TRERF1: variants seen among roughly 807,000 people sequenced by gnomAD.
The protein encoded by TRERF1 is transcriptional-regulating factor 1.
A neutral mutation model predicts 122.9 loss-of-function variants in TRERF1; 27 were observed. The ratio of observed to expected loss-of-function variants is 0.22; its 90% confidence interval spans 0.16 to 0.30. The LOEUF (loss-of-function observed/expected upper bound fraction) is 0.30, where lower values mean the gene tolerates loss of function less well. TRERF1 is among the 10% of genes least tolerant of loss of function. The pLI, the probability that TRERF1 is intolerant of heterozygous loss-of-function variation, is 1.00. For missense variants in TRERF1, 1,248 were observed against 1,560.3 expected, an observed-to-expected ratio of 0.80 and a Z score of 3.37; for synonymous variants, 636 against 641.7, an observed-to-expected ratio of 0.99 and a Z score of 0.13.
At chr6:42,392,573 T>C (rs767317295) in intron 2 of TRERF1, among the ~76,000 whole-genome samples, 2 of 152,120 alleles carry the variant, frequency 1.3e-5, no homozygotes, top group African/African-American at 2.4e-5. Flanking sequence ...GAAAGGATCA[T>C]TAAGAGAGGC....
At chr6:42,348,441 C>T (rs1003184644) in intron 3 of TRERF1, among the ~76,000 whole-genome samples, 4 of 151,980 alleles carry the variant, frequency 2.6e-5, no homozygotes, top group African/African-American at 9.7e-5. Context: ...TTAGTCGAGA[C>T]GGAGTTTCAC....
rs376647781 is a variant in TRERF1 at position 42,333,766 on chromosome 6, G to A, written c.-371+29231C>T. On this transcript the variant is annotated intron_variant, in intron 3 of 17. Transcript: ENST00000372922. Reference sequence around the variant, plus strand: ...CCTCCGAGGGCCACATGGGCCCCTCGAGTGCTTACTTAACTTGAAGAGGAA... The same window carrying A: ...CCTCCGAGGGCCACATGGGCCCCTCAAGTGCTTACTTAACTTGAAGAGGAA... Among the ~76,000 whole-genome samples, 11 of 152,294 alleles carry A rather than the reference G, an allele frequency of 7.2e-5. No individual in the cohort carries two copies. In the East Asian group the frequency reaches 7.7e-4, roughly 11 times the overall value.
chr6:42,435,903 C>G (rs1273873674), intron 2 of TRERF1, among the ~76,000 whole-genome samples: 1 of 151,856 alleles, frequency 6.6e-6, no homozygotes, highest in Non-Finnish European at 1.5e-5. Context: ...TCATTTGAAC[C>G]CAGGAGGCGG....
At position 42,447,192 on chromosome 6, in the gene TRERF1, G is replaced by GA. The variant is rs543026109; in HGVS notation, c.-454+3984dup. On this transcript the variant is annotated intron_variant, in intron 2 of 17. Coordinates refer to ENST00000372922, the Ensembl canonical transcript of TRERF1. ...ATGCCAGCTCATCGTCTTCCATGAT[G>GA]AAAGACCAAGAATCATCTGTTTCTT... Among the ~76,000 whole-genome samples the GA allele has an allele frequency of 5.1e-3, 780 of 152,326 alleles. 9 individuals are homozygous for GA. The highest frequency in any genetic ancestry group is 0.017 in the African/African-American group (727 of 41,564).
intron 4 of TRERF1, among the ~76,000 whole-genome samples, chr6:42,281,049 C>T (rs1782216753): frequency 2.0e-5 from 3 of 152,224 alleles, no homozygotes; most frequent in East Asian, 1.9e-4. Context: ...TGAGAGGCCT[C>T]AGGGGATAAA....
At chr6:42,376,361 C>A (rs1188506643) in intron 2 of TRERF1, among the ~76,000 whole-genome samples, 1 of 152,046 alleles carries the variant, frequency 6.6e-6, no homozygotes, top group Non-Finnish European at 1.5e-5. Context: ...TCCTGGAAAA[C>A]AGGCTTTGCG....
chr6:42,313,184 G>A (rs186439131), intron 3 of TRERF1, among the ~76,000 whole-genome samples: 4 of 152,278 alleles, frequency 2.6e-5, no homozygotes, highest in African/African-American at 9.6e-5. Flanking sequence ...AGATCGCCTG[G>A]GGTTCGGCAT....
At chr6:42,334,547 C>A (rs1765806674) in intron 3 of TRERF1, among the ~76,000 whole-genome samples, 1 of 152,206 alleles carries the variant, frequency 6.6e-6, no homozygotes, top group South Asian at 2.1e-4. Context: ...TTCTACACAG[C>A]AAATCCTCTA....
intron 16 of TRERF1, among the ~76,000 whole-genome samples, chr6:42,235,094 T>A (rs572219971): frequency 2.0e-5 from 3 of 152,258 alleles, no homozygotes; most frequent in East Asian, 1.9e-4. Context: ...GTTTTTTTTT[T>A]AATTTTCATT....
chr6:42,297,118 G>A (rs528655742), intron 4 of TRERF1, among the ~76,000 whole-genome samples: 1 of 152,264 alleles, frequency 6.6e-6, no homozygotes, highest in Non-Finnish European at 1.5e-5. Context: ...TAGGCCTATG[G>A]CTACACCCTC....
chr6:42,412,843 G>A (rs997074663), intron 2 of TRERF1, among the ~76,000 whole-genome samples: 8 of 152,178 alleles, frequency 5.3e-5, no homozygotes, highest in Admixed American at 1.3e-4. Context: ...CTACTAGGGA[G>A]GCTGAGGTGG....
intron 17 of TRERF1, among the ~76,000 whole-genome samples, chr6:42,229,968 A>AG (rs1315640296): frequency 6.6e-6 from 1 of 152,144 alleles, no homozygotes; most frequent in Non-Finnish European, 1.5e-5. Flanking sequence ...AAGACAGTAA[A>AG]CGGCCCACAA....
chr6:42,322,398 G>T (rs2150471681), intron 3 of TRERF1, among the ~76,000 whole-genome samples: 1 of 152,166 alleles, frequency 6.6e-6, no homozygotes, highest in Non-Finnish European at 1.5e-5. Context: ...CAAGCAGTAG[G>T]TCTGGGTTAG....
chr6:42,363,282 G>A (rs546361680), intron 2 of TRERF1, among the ~76,000 whole-genome samples: 5 of 152,312 alleles, frequency 3.3e-5, no homozygotes, highest in African/African-American at 9.6e-5. Flanking sequence ...AGACCAAGAC[G>A]TTCAACTTCA....
intron 2 of TRERF1, among the ~76,000 whole-genome samples, chr6:42,386,164 T>G (rs1776766104): frequency 6.6e-6 from 1 of 152,224 alleles, no homozygotes; most frequent in South Asian, 2.1e-4. Context: ...GAGGCCGACA[T>G]GGTGAAACCC....
At chr6:42,424,079 CT>C (rs1469256482) in intron 2 of TRERF1, among the ~76,000 whole-genome samples, 1 of 152,204 alleles carries the variant, frequency 6.6e-6, no homozygotes, top group Admixed American at 6.5e-5. Flanking sequence ...CATTTTGCTG[CT>C]GTATAACAAT....
intron 2 of TRERF1, among the ~76,000 whole-genome samples, chr6:42,436,341 C>G (rs900608551): frequency 6.6e-6 from 1 of 151,624 alleles, no homozygotes; most frequent in Admixed American, 6.6e-5. Context: ...TGCACTCCAG[C>G]CTGGGTGACA....
At chr6:42,273,884 C>A (rs1780698713) in intron 4 of TRERF1, among the ~76,000 whole-genome samples, 1 of 152,242 alleles carries the variant, frequency 6.6e-6, no homozygotes, top group Non-Finnish European at 1.5e-5. Flanking sequence ...TGTCTCTCTC[C>A]TATGGCCCTG....
At chr6:42,427,213 G>A (rs909016075) in intron 2 of TRERF1, among the ~76,000 whole-genome samples, 1 of 151,938 alleles carries the variant, frequency 6.6e-6, no homozygotes, top group Non-Finnish European at 1.5e-5. Flanking sequence ...ATTCACCTAG[G>A]GCACATAAAT....
Sources: gnomAD v4.1 joint callset for allele counts (sites outside exome capture counted in the v4.1 genomes callset) on GRCh38, gnomAD v4.1.1 for gene constraint, MANE v1.5 for transcripts, NCBI Gene and HGNC (gene_info 2026-07-23, HGNC 2026-07-21) for gene names.